Variants in SPAG16 observed in about 807,000 individuals in gnomAD.
SPAG16 encodes the protein sperm-associated antigen 16 protein.
A neutral mutation model predicts 80.4 loss-of-function variants in SPAG16; 86 were observed. The observed-to-expected ratio is 1.07, with a 90% CI of 0.90 to 1.28. The LOEUF (loss-of-function observed/expected upper bound fraction) is 1.28. Ranked by LOEUF, SPAG16 falls within the 50% of genes most tolerant of loss-of-function variation. The probability of loss-of-function intolerance (pLI) is 0.00; values close to 1 mark genes in which losing one functional copy is unlikely to be tolerated. For missense variants in SPAG16, 870 were observed against 765.3 expected, an observed-to-expected ratio of 1.14 and a Z score of -1.61; for synonymous variants, 294 against 265.9, an observed-to-expected ratio of 1.11 and a Z score of -1.03.
rs1692054344 is a variant in SPAG16, at chr2:214,271,901, G to A, written c.1720+122635G>A. Reference sequence around the variant, plus strand: ...AGAATAGCAGGAGTCTGTTTTTATAGGAATGTCATTTGAGCTTAACAGATC... The same window carrying A: ...AGAATAGCAGGAGTCTGTTTTTATAAGAATGTCATTTGAGCTTAACAGATC... On this transcript the variant is annotated intron_variant, in intron 15 of 15. Coordinates refer to ENST00000331683, the MANE Select transcript of SPAG16 (RefSeq NM_024532.5). Among the ~76,000 whole-genome samples the A allele has an allele frequency of 2.0e-5, 3 of 151,372 alleles. No homozygotes were observed. The South Asian group carries it at 6.3e-4, about 32-fold the overall frequency.
At chr2:213,992,939 A>G (rs2046353859) in intron 12 of SPAG16, among the ~76,000 whole-genome samples, 1 of 152,234 alleles carries the variant, frequency 6.6e-6, no homozygotes. Flanking sequence ...TGAGAAAACA[A>G]TTATGTGGCT....
chr2:213,490,013 TA>T lies in SPAG16; in HGVS notation c.996del (p.Glu333LysfsTer12). The T allele has an allele frequency of 6.2e-7, 1 of 1,611,140 alleles. No homozygotes were observed. The highest frequency in any genetic ancestry group is 1.1e-5 in the South Asian group (1 of 90,502). ...AACCAAATCCAAACCTGAATGTTTC[TA>T]AAGAAAGTCTTTCTCCAGCAAAATT... ...MQPNPNLNVSKESLSPAKFDY... is the reference protein window; with the variant it reads ...MQPNPNLNVSXESLSPAKFDY... On this transcript the variant is annotated frameshift_variant, in exon 10 of 16. Transcript: ENST00000331683. LOFTEE classifies it high-confidence loss of function.
chr2:213,514,659 T>G (rs1186624419), intron 10 of SPAG16, among the ~76,000 whole-genome samples: 1 of 128,062 alleles, frequency 7.8e-6, no homozygotes, highest in Non-Finnish European at 1.6e-5. Context: ...GATATTCCCC[T>G]TCCTGTGTCC....
chr2:213,593,108 A>G (rs2060763820), intron 10 of SPAG16, among the ~76,000 whole-genome samples: 1 of 152,154 alleles, frequency 6.6e-6, no homozygotes, highest in Non-Finnish European at 1.5e-5. Context: ...CACCTAATAT[A>G]CTGATTTCTC....
At chr2:214,374,354 A>G (rs978410189) in intron 15 of SPAG16, among the ~76,000 whole-genome samples, 4 of 152,212 alleles carry the variant, frequency 2.6e-5, no homozygotes, top group African/African-American at 4.8e-5. Flanking sequence ...GTTAAAATTA[A>G]TCCTTACAAT....
intron 15 of SPAG16, among the ~76,000 whole-genome samples, chr2:214,314,515 G>A (rs143919424): frequency 3.9e-5 from 6 of 152,302 alleles, no homozygotes; most frequent in Non-Finnish European, 5.9e-5. Flanking sequence ...GTCAGTCTCT[G>A]TGGGTTTGAA....
intron 10 of SPAG16, among the ~76,000 whole-genome samples, chr2:213,764,092 A>G (rs909582788): frequency 1.3e-5 from 2 of 152,230 alleles, no homozygotes; most frequent in South Asian, 4.1e-4. Context: ...AGTGTTACAC[A>G]AATATTAGTT....
chr2:214,366,520 C>T (rs1181829076), intron 15 of SPAG16, among the ~76,000 whole-genome samples: 2 of 152,162 alleles, frequency 1.3e-5, no homozygotes, highest in Non-Finnish European at 2.9e-5. Context: ...TATATATTAT[C>T]ATTTATGGAT....
chr2:214,323,039 C>G (rs1265863276), intron 15 of SPAG16, among the ~76,000 whole-genome samples: 1 of 152,216 alleles, frequency 6.6e-6, no homozygotes, highest in Non-Finnish European at 1.5e-5. Context: ...GCTCTTTCAT[C>G]TAAAGGAATT....
intron 13 of SPAG16, among the ~76,000 whole-genome samples, chr2:214,069,220 G>A (rs73987148): frequency 0.018 from 2,739 of 152,202 alleles, 85 homozygotes; most frequent in African/African-American, 0.063. Flanking sequence ...ATTCCGATAC[G>A]TGTATATTGT....
chr2:213,410,956 T>G (rs2068934093), intron 9 of SPAG16, among the ~76,000 whole-genome samples: 1 of 152,224 alleles, frequency 6.6e-6, no homozygotes, highest in South Asian at 2.1e-4. Flanking sequence ...AAGTTAACTT[T>G]GTGTCTCTCA....
At chr2:214,010,573 G>C (rs1424451151) in intron 12 of SPAG16, among the ~76,000 whole-genome samples, 2 of 146,714 alleles carry the variant, frequency 1.4e-5, no homozygotes, top group Non-Finnish European at 3.0e-5. Flanking sequence ...GGAGATTGGA[G>C]AGACTAGACT....
intron 10 of SPAG16, among the ~76,000 whole-genome samples, chr2:213,683,323 G>T (rs1254627408): frequency 6.6e-6 from 1 of 152,076 alleles, no homozygotes; most frequent in Non-Finnish European, 1.5e-5. Flanking sequence ...GGTTAAGCCG[G>T]GCAGATCACT....
intron 15 of SPAG16, among the ~76,000 whole-genome samples, chr2:214,399,687 A>G: frequency 6.6e-6 from 1 of 152,214 alleles, no homozygotes; most frequent in African/African-American, 2.4e-5. Context: ...TAAGACAAAA[A>G]TGATTAATTT....
chr2:213,825,768 CAT>C (rs1280862500), intron 10 of SPAG16, among the ~76,000 whole-genome samples: 1 of 138,432 alleles, frequency 7.2e-6, no homozygotes, highest in Non-Finnish European at 1.5e-5. Flanking sequence ...ACAGTGGACT[CAT>C]ATAATGGGTT....
At chr2:213,924,916 A>G (rs989961253) in intron 11 of SPAG16, among the ~76,000 whole-genome samples, 3 of 150,598 alleles carry the variant, frequency 2.0e-5, no homozygotes, top group Admixed American at 6.6e-5. Context: ...CTCCTTTCCT[A>G]TTTTCTTTTA....
chr2:214,212,871 A>T (rs1363418071), intron 15 of SPAG16, among the ~76,000 whole-genome samples: 1 of 152,260 alleles, frequency 6.6e-6, no homozygotes, highest in Non-Finnish European at 1.5e-5. Flanking sequence ...GAACTGTGAA[A>T]TGCCACATCT....
intron 15 of SPAG16, among the ~76,000 whole-genome samples, chr2:214,194,454 A>G (rs927615195): frequency 6.6e-6 from 1 of 152,114 alleles, no homozygotes; most frequent in African/African-American, 2.4e-5. Flanking sequence ...CAGGAAAATG[A>G]GATAGAAGAA....
chr2:214,185,565 A>AT (rs1157869898), intron 15 of SPAG16, among the ~76,000 whole-genome samples: 5 of 152,148 alleles, frequency 3.3e-5, no homozygotes, highest in Non-Finnish European at 5.9e-5. Context: ...ACAAAGAGGT[A>AT]TTTTTTTAAA....
Sources: allele counts gnomAD v4.1 joint callset (sites outside exome capture counted in the v4.1 genomes callset), GRCh38; gene constraint gnomAD v4.1.1; transcripts MANE v1.5; gene names NCBI Gene and HGNC (gene_info 2026-07-23, HGNC 2026-07-21).